Variants in AKAP13 observed in about 807,000 individuals in gnomAD.
AKAP13 encodes A-kinase anchor protein 13.
A neutral mutation model predicts 264.5 loss-of-function variants in AKAP13; 80 were observed. That is an observed-to-expected ratio of 0.30 (90% confidence interval 0.25 to 0.36). The LOEUF (loss-of-function observed/expected upper bound fraction) is 0.36, where lower values mean the gene tolerates loss of function less well. Ranked by LOEUF, AKAP13 falls within the 10% of genes least tolerant of loss-of-function variation. The pLI is 1.00. For missense variants in AKAP13, 3,712 were observed against 3,435.2 expected (o/e 1.08, Z -2.01); for synonymous variants, 1,380 against 1,250.2 (o/e 1.10, Z -2.19).
At chr15:85,407,642 A>G (rs1292351186) in intron 1 of AKAP13, among the ~76,000 whole-genome samples, 1 of 151,828 alleles carries the variant, frequency 6.6e-6, no homozygotes, top group Non-Finnish European at 1.5e-5. Flanking sequence ...GCAAAGAAAC[A>G]GACGTCAAAG....
At chr15:85,485,339 C>A (rs184644669) in intron 1 of AKAP13, among the ~76,000 whole-genome samples, 124 of 152,334 alleles carry the variant, frequency 8.1e-4, no homozygotes, top group Non-Finnish European at 1.3e-3. Context: ...CAAGAAGTCC[C>A]TGAGTAAACA....
intron 8 of AKAP13, chr15:85,620,166 G>A (rs2151419956): frequency 6.5e-7 from 1 of 1,536,058 alleles, no homozygotes; most frequent in East Asian, 2.4e-5. Context: ...ACGTGGTATT[G>A]CTGAAGGTAA....
chr15:85,441,275 T>G (rs921545666), intron 1 of AKAP13, among the ~76,000 whole-genome samples: 1 of 152,164 alleles, frequency 6.6e-6, no homozygotes, highest in African/African-American at 2.4e-5. Flanking sequence ...TTTTTACTGT[T>G]CATATTTGCC....
chr15:85,567,793 C>T (rs976438969), intron 5 of AKAP13, among the ~76,000 whole-genome samples: 12 of 152,090 alleles, frequency 7.9e-5, no homozygotes, highest in African/African-American at 2.2e-4. Context: ...TTTGTTTACT[C>T]GTATTTTTAT....
intron 35 of AKAP13, 147 bp from the exon 36 acceptor site, chr15:85,743,345 A>C (rs2089197873): frequency 1.3e-6 from 1 of 747,160 alleles, no homozygotes; most frequent in African/African-American, 1.8e-5. Context: ...AGCTCTATGC[A>C]GTCCACAGAC....
intron 2 of AKAP13, among the ~76,000 whole-genome samples, chr15:85,512,813 TTATGTATG>T (rs146236698): frequency 0.14 from 20,416 of 145,652 alleles, 1,834 homozygotes; most frequent in East Asian, 0.25. Flanking sequence ...TTGACTATTT[TTATGTATG>T]TATGTATGTA....
rs2089438069 is a variant in AKAP13, at chr15:85,748,623, G to GTGTT, written c.*3948_*3951dup. ...TGCTGGCCAGGCTTTAAAATGAAAA[G>GTGTT]TGTTTTAATGCTGCCATAAAAGGGA... On this transcript the variant is annotated 3_prime_UTR_variant, in exon 37 of 37. Transcript: ENST00000394518. 1.3e-5 allele frequency: 2 copies of GTGTT among 152,206 alleles called. No individual in the cohort carries two copies. Among genetic ancestry groups the GTGTT allele is most frequent in the African/African-American group, 4.8e-5 (2 of 41,440 alleles). The allele number at this position is 152,206 out of a possible 1,614,324, so 9.4% of individuals were successfully genotyped here.
chr15:85,687,594 G>T (rs569422075), intron 16 of AKAP13, among the ~76,000 whole-genome samples: 5 of 152,124 alleles, frequency 3.3e-5, no homozygotes, highest in African/African-American at 1.2e-4. Context: ...TTACAAATTT[G>T]TAACCCTGAA....
At chr15:85,689,279 T>C (rs2085126834) in intron 16 of AKAP13, among the ~76,000 whole-genome samples, 1 of 152,192 alleles carries the variant, frequency 6.6e-6, no homozygotes, top group Non-Finnish European at 1.5e-5. Flanking sequence ...CAGAAGTGCC[T>C]CCTAGAGTAG....
chr15:85,689,415 A>T (rs1472136288), intron 16 of AKAP13, among the ~76,000 whole-genome samples: 1 of 152,200 alleles, frequency 6.6e-6, no homozygotes, highest in African/African-American at 2.4e-5. Flanking sequence ...TATTGTAATT[A>T]CATGTATAAA....
intron 8 of AKAP13, among the ~76,000 whole-genome samples, chr15:85,595,823 TA>T (rs1252583885): frequency 6.6e-6 from 1 of 152,136 alleles, no homozygotes; most frequent in Non-Finnish European, 1.5e-5. Context: ...TAATCCAGGT[TA>T]AAAAAAGAAA....
intron 1 of AKAP13, among the ~76,000 whole-genome samples, chr15:85,433,116 AG>A (rs2073099845): frequency 3.0e-5 from 3 of 100,202 alleles, no homozygotes; most frequent in Admixed American, 2.1e-4. Flanking sequence ...CCTTCTGTAC[AG>A]TTTTTTTTTT....
chr15:85,594,531 T>G (rs370825491), intron 8 of AKAP13, among the ~76,000 whole-genome samples: 2 of 152,238 alleles, frequency 1.3e-5, no homozygotes, highest in African/African-American at 4.8e-5. Flanking sequence ...ATCAGAAATA[T>G]AGGCTTGGGC....
intron 30 of AKAP13, among the ~76,000 whole-genome samples, chr15:85,734,058 C>G (rs1306550350): frequency 1.3e-5 from 2 of 151,922 alleles, no homozygotes; most frequent in Non-Finnish European, 2.9e-5. Context: ...GTCTTGAACT[C>G]CTGACCTCAG....
chr15:85,667,893 C>T (rs905366072), intron 13 of AKAP13, among the ~76,000 whole-genome samples: 1 of 152,146 alleles, frequency 6.6e-6, no homozygotes, highest in African/African-American at 2.4e-5. Flanking sequence ...TTTAGTAAGA[C>T]GTTACTACTA....
chr15:85,580,650 G>A lies in AKAP13; in HGVS notation c.2582G>A (p.Gly861Glu). 2 of 1,614,182 alleles carry A rather than the reference G, an allele frequency of 1.2e-6. No homozygotes were observed. The highest frequency in any genetic ancestry group is 1.7e-6 in the Non-Finnish European group (2 of 1,180,028). ...STAAELQHGMGNTSLTGLGGE... is the reference protein window; with the variant it reads ...STAAELQHGMENTSLTGLGGE... The stretch of plus-strand genomic sequence containing the variant: ...GCTGCAGAGCTTCAGCACGGGATGG[G>A]GAATACCAGTCTCACAGGACTTGGT... The change falls in exon 7 of 37, where the codon GGG becomes GAG. Residue 861 changes from glycine to glutamate, a missense_variant. Coordinates refer to ENST00000394518, the MANE Select transcript of AKAP13 (RefSeq NM_007200.5).
At chr15:85,486,508 G>C (rs1265081044) in intron 2 of AKAP13, among the ~76,000 whole-genome samples, 2 of 152,056 alleles carry the variant, frequency 1.3e-5, no homozygotes, top group African/African-American at 4.8e-5. Flanking sequence ...TGAAAAGACT[G>C]TTCTTTCTCC....
At chr15:85,569,446 CTTTTCTTTTTTTTTTT>C in intron 5 of AKAP13, among the ~76,000 whole-genome samples, 1 of 99,348 alleles carries the variant, frequency 1.0e-5, no homozygotes, top group African/African-American at 2.8e-5. Context: ...ATATTTTTTT[CTTTTCTTTTTTTTTTT>C]TTTTTTTGAG....
intron 8 of AKAP13, among the ~76,000 whole-genome samples, chr15:85,594,073 C>T (rs1009121217): frequency 6.6e-6 from 1 of 152,152 alleles, no homozygotes; most frequent in Non-Finnish European, 1.5e-5. Context: ...TAAAGTAACT[C>T]AGAATTATTA....
Sources: allele counts gnomAD v4.1 joint callset (sites outside exome capture counted in the v4.1 genomes callset), GRCh38; gene constraint gnomAD v4.1.1; transcripts MANE v1.5; gene names NCBI Gene and HGNC (gene_info 2026-07-23, HGNC 2026-07-21).